Variants in NPTXR observed in about 807,000 individuals in gnomAD.
The protein encoded by NPTXR is neuronal pentraxin receptor.
In NPTXR, 12 loss-of-function variants were observed where a neutral mutation model predicts 32.2. The ratio of observed to expected loss-of-function variants is 0.37; its 90% confidence interval spans 0.24 to 0.60. The LOEUF (loss-of-function observed/expected upper bound fraction) is 0.60, where lower values mean the gene tolerates loss of function less well. NPTXR is among the 20% of genes least tolerant of loss of function. The pLI, the probability that NPTXR is intolerant of heterozygous loss-of-function variation, is 0.66. For synonymous variants in NPTXR, 323 were observed against 315.8 expected (o/e 1.02, Z -0.24); for missense variants, 612 against 682.9 (o/e 0.90, Z 1.16).
chr22:38,823,691 C>A (rs953188160), intron 3 of NPTXR, among the ~76,000 whole-genome samples: 10 of 152,214 alleles, frequency 6.6e-5, no homozygotes, highest in Non-Finnish European at 1.5e-4. Flanking sequence ...TGCCACCAAC[C>A]CCTGTGTGAT....
rs183344591 is a variant in NPTXR at position 38,820,156 on chromosome 22, G to A, written c.*2453C>T. 6.5e-4 allele frequency: 100 copies of A among 152,768 alleles called. No individual in the cohort carries two copies. Among genetic ancestry groups the A allele is most frequent in the African/African-American group, 2.2e-3 (90 of 41,572 alleles). 9.5% of individuals were successfully genotyped at this position (152,768 alleles called of 1,614,324 possible). A position where few individuals can be genotyped will look rare whatever the true frequency, so the allele number is the denominator to read the frequency against. On this transcript the variant is annotated 3_prime_UTR_variant, in exon 5 of 5. Transcript: ENST00000333039. ...TGCCGTCACCCCAGCAACAGTGCCA[G>A]TATGATGAGACACTTGACCCAGCAC...
chr22:38,827,709 T>C (rs2093109497), intron 2 of NPTXR, among the ~76,000 whole-genome samples: 1 of 152,158 alleles, frequency 6.6e-6, no homozygotes. Flanking sequence ...ATTTCTCAGA[T>C]GAGGAAAACT....
intron 1 of NPTXR, among the ~76,000 whole-genome samples, chr22:38,832,431 G>A (rs1184704202): frequency 2.0e-5 from 3 of 152,234 alleles, no homozygotes; most frequent in African/African-American, 7.2e-5. Flanking sequence ...CTGGGAGTCC[G>A]GGGTGGGGTT....
chr22:38,838,717 G>T (rs1182547078), intron 1 of NPTXR, among the ~76,000 whole-genome samples: 2 of 151,886 alleles, frequency 1.3e-5, no homozygotes, highest in Admixed American at 6.6e-5. Context: ...GAGTAGCTGG[G>T]ACTACAGGTG....
Position 38,822,524 on chromosome 22 carries a change from G to T in NPTXR, c.*85C>A. ...GAGTGGGGCAGGAGGGAAGGCCAGT[G>T]CGTGGGCAGGCTGAGGAGGGAATAT... On this transcript the variant is annotated 3_prime_UTR_variant, in exon 5 of 5. Transcript: ENST00000333039. 1 of 1,206,610 alleles carries T rather than the reference G, an allele frequency of 8.3e-7. No individual in the cohort carries two copies. The highest frequency in any genetic ancestry group is 1.2e-6 in the Non-Finnish European group (1 of 843,490). The allele number at this position is 1,206,610 out of a possible 1,614,324, so 74.7% of individuals were successfully genotyped here.
At position 38,822,438 on chromosome 22, in the gene NPTXR, C is replaced by T. The variant is rs945599775; in HGVS notation, c.*171G>A. On this transcript the variant is annotated 3_prime_UTR_variant, in exon 5 of 5. Coordinates refer to ENST00000333039, the MANE Select transcript of NPTXR (RefSeq NM_014293.4). ...CTCAGGTGGGGACAGGGGACACACT[C>T]GCAGGGCAGGGCATTCTGGAGGTGT... The T allele has an allele frequency of 1.7e-5, 11 of 630,812 alleles. No homozygotes were observed. Among genetic ancestry groups the T allele is most frequent in the East Asian group, 1.1e-4 (4 of 36,334 alleles). 39.1% of individuals were successfully genotyped at this position (630,812 alleles called of 1,614,324 possible).
At chr22:38,831,140 G>A (rs2093115568) in intron 1 of NPTXR, among the ~76,000 whole-genome samples, 1 of 152,238 alleles carries the variant, frequency 6.6e-6, no homozygotes, top group South Asian at 2.1e-4. Flanking sequence ...GGCTGGGCAT[G>A]GTGGCTCATG....
At position 38,823,210 on chromosome 22, in the gene NPTXR, A is replaced by G. The variant is rs1419894607; in HGVS notation, c.1151T>C (p.Ile384Thr). ...TAGGCCATCCCTTGTGGTCCAGGCG[A>G]TGCAGATGTGGTGCCAGCCATTGTC... is the stretch of plus-strand genomic sequence containing the variant. The change falls in exon 4 of 5, where the codon ATC (isoleucine) becomes ACC (threonine). Residue 384 changes from isoleucine to threonine, a missense_variant. Ile to Thr is a moderately conservative substitution (Grantham distance 89). Coordinates refer to ENST00000333039, the MANE Select transcript of NPTXR (RefSeq NM_014293.4). The G allele has an allele frequency of 6.2e-7, 1 of 1,613,722 alleles. No individual in the cohort carries two copies. The highest frequency in any genetic ancestry group is 1.3e-5 in the African/African-American group (1 of 74,922).
In NPTXR at chr22:38,821,746, T is replaced by G. The variant is rs2093097439; in HGVS notation, c.*863A>C. On this transcript the variant is annotated 3_prime_UTR_variant, in exon 5 of 5. Transcript: ENST00000333039. ...CCATGCACAGGGTAGGTAATGTGGC[T>G]CTGCCAGAGGTGGGGTCTCCTGGGC... The G allele has an allele frequency of 6.5e-6, 1 of 152,724 alleles. No homozygotes were observed. The highest frequency in any genetic ancestry group is 6.5e-5 in the Admixed American group (1 of 15,298). The allele number at this position is 152,724 out of a possible 1,614,324, so 9.5% of individuals were successfully genotyped here.
rs1603245015 is a variant in NPTXR, at chr22:38,826,518, C to T, written c.1080G>A (p.Glu360=). The T allele has an allele frequency of 1.9e-6, 3 of 1,609,860 alleles. No homozygotes were observed. The highest frequency in any genetic ancestry group is 2.5e-6 in the Non-Finnish European group (3 of 1,176,898). Reference sequence around the variant, plus strand: ...TGCCTACCTTGTCGTTGATCAGCAGCTCCATGGGCTCATGGCCCGCCTCTA... The same window carrying T: ...TGCCTACCTTGTCGTTGATCAGCAGTTCCATGGGCTCATGGCCCGCCTCTA... Residue 360 remains glutamate, a synonymous_variant, in exon 3 of 5, where the codon GAG becomes GAA. Transcript: ENST00000333039.
intron 1 of NPTXR, among the ~76,000 whole-genome samples, chr22:38,838,443 C>G (rs944743148): frequency 7.2e-5 from 11 of 152,060 alleles, no homozygotes; most frequent in Non-Finnish European, 1.5e-4. Context: ...GGTCTTGCAG[C>G]AAGTCTCTCG....
rs986542601 is a variant in NPTXR, at chr22:38,819,201, T to G, written c.*3408A>C. On this transcript the variant is annotated 3_prime_UTR_variant, in exon 5 of 5. Coordinates refer to ENST00000333039, the MANE Select transcript of NPTXR (RefSeq NM_014293.4). The stretch of plus-strand genomic sequence containing the variant: ...GCAGGGCTTGGCCCCAAGCAAGAGT[T>G]GGAGAAGCAGCAATTTCCCTCCCCT... 6 of 152,398 alleles carry G rather than the reference T, an allele frequency of 3.9e-5. No homozygotes were observed. Among genetic ancestry groups the G allele is most frequent in the Admixed American group, 2.0e-4 (3 of 15,310 alleles). 9.4% of individuals were successfully genotyped at this position (152,398 alleles called of 1,614,324 possible).
At chr22:38,831,116 C>T (rs1290293647) in intron 1 of NPTXR, among the ~76,000 whole-genome samples, 1 of 152,336 alleles carries the variant, frequency 6.6e-6, no homozygotes. Context: ...TTCCCCTCCT[C>T]TAAAACGGGA....
chr22:38,829,800 A>G (rs1343015535), intron 1 of NPTXR, among the ~76,000 whole-genome samples: 1 of 152,172 alleles, frequency 6.6e-6, no homozygotes, highest in Non-Finnish European at 1.5e-5. Flanking sequence ...TGGAGGCAAA[A>G]CAGAAAACCA....
In NPTXR at chr22:38,843,791, A is replaced by G; in HGVS notation, c.68T>C (p.Ile23Thr). The G allele has an allele frequency of 2.0e-6, 2 of 983,540 alleles. No homozygotes were observed. The highest frequency in any genetic ancestry group is 2.4e-6 in the Non-Finnish European group (2 of 827,672). 60.9% of individuals were successfully genotyped at this position (983,540 alleles called of 1,614,324 possible). The change falls in exon 1 of 5, where the codon ATC (isoleucine) becomes ACC (threonine). Residue 23 changes from isoleucine (I) to threonine (T), a missense_variant. Transcript: ENST00000333039. The surrounding 1 kb of genome is among the most constrained non-coding windows in gnomAD (Gnocchi z 5.3). ...GCTGGCCGCCAGGGGCACGCTGGCG[A>G]TGATGCAGATGACGGCACCGAGGAA...
intron 1 of NPTXR, among the ~76,000 whole-genome samples, chr22:38,828,927 C>T: frequency 6.6e-6 from 1 of 152,228 alleles, no homozygotes; most frequent in East Asian, 1.9e-4. Context: ...CATTCCCTCA[C>T]TCAGCAAGCT....
rs776324465 is a variant in NPTXR at position 38,823,207 on chromosome 22, G to A, written c.1154C>T (p.Ala385Val). 1.9e-6 allele frequency: 3 copies of A among 1,613,878 alleles called. No individual in the cohort carries two copies. The East Asian group carries it at 6.7e-5, about 36-fold the overall frequency. The change falls in exon 4 of 5, where the codon GCC (alanine) becomes GTC (valine). Residue 385 changes from alanine to valine, a missense_variant. Coordinates refer to ENST00000333039, the MANE Select transcript of NPTXR (RefSeq NM_014293.4). ...CCATAGGCCATCCCTTGTGGTCCAG[G>A]CGATGCAGATGTGGTGCCAGCCATT...
intron 1 of NPTXR, among the ~76,000 whole-genome samples, chr22:38,835,676 T>G (rs2093122892): frequency 6.6e-6 from 1 of 152,072 alleles, no homozygotes; most frequent in Admixed American, 6.5e-5. Context: ...CCACACACCT[T>G]CCGGGCCCCC....
In NPTXR at chr22:38,838,347, T is replaced by C. The variant is rs150440286; in HGVS notation, c.624+4888A>G. On this transcript the variant is annotated intron_variant, in intron 1 of 4. Coordinates refer to ENST00000333039, the MANE Select transcript of NPTXR (RefSeq NM_014293.4). ...ATGGGAATGCGTTCAGCCTCTATCA[T>C]AGGACTGAAGACTGAATAAGCTAAT... 5.9e-5 allele frequency among the ~76,000 whole-genome samples: 9 copies of C among 152,132 alleles called. No homozygotes were observed. The East Asian group carries it at 1.5e-3, about 26-fold the overall frequency.
Sources: allele counts gnomAD v4.1 joint callset (sites outside exome capture counted in the v4.1 genomes callset), GRCh38; gene constraint gnomAD v4.1.1; non-coding constraint Gnocchi (gnomAD v3.1); transcripts MANE v1.5; gene names NCBI Gene and HGNC (gene_info 2026-07-23, HGNC 2026-07-21).